The following ENPP6 variants were observed in gnomAD, a reference collection of about 807,000 sequenced individuals.
The protein encoded by ENPP6 is ectonucleotide pyrophosphatase/phosphodiesterase 6.
ENPP6 carries 32 observed loss-of-function variants against 42.0 expected under a neutral mutation model. That is an observed-to-expected ratio of 0.76 (90% CI 0.58 to 1.02). ENPP6 has a LOEUF of 1.02. ENPP6 is among the 50% of genes least tolerant of loss of function. ENPP6 has a pLI of 0.00. For synonymous variants in ENPP6, 213 were observed against 216.0 expected, an observed-to-expected ratio of 0.99 and a Z score of 0.12; for missense variants, 552 against 566.8, an observed-to-expected ratio of 0.97 and a Z score of 0.27.
At chr4:184,145,096 A>G (rs1054306089) in intron 2 of ENPP6, among the ~76,000 whole-genome samples, 4 of 152,208 alleles carry the variant, frequency 2.6e-5, no homozygotes, top group Admixed American at 2.6e-4. Flanking sequence ...GCCTTCCCGC[A>G]TTCATGCGCT....
chr4:184,129,291 TACACACACACACACAC>T (rs60982411), intron 2 of ENPP6, among the ~76,000 whole-genome samples: 4 of 145,292 alleles, frequency 2.8e-5, no homozygotes, highest in Non-Finnish European at 4.5e-5. Flanking sequence ...CCCCCCAACA[TACACACACACACACAC>T]ACACACACAC....
At chr4:184,096,055 T>C (rs1260645610) in intron 7 of ENPP6, among the ~76,000 whole-genome samples, 1 of 152,210 alleles carries the variant, frequency 6.6e-6, no homozygotes, top group Non-Finnish European at 1.5e-5. Context: ...AATTTGCTGC[T>C]ACTGCTTCTA....
At chr4:184,158,711 C>T (rs1486110622) in intron 1 of ENPP6, among the ~76,000 whole-genome samples, 1 of 152,178 alleles carries the variant, frequency 6.6e-6, no homozygotes, top group East Asian at 1.9e-4. Flanking sequence ...TTTAGATTGG[C>T]TTTCGACATC....
intron 1 of ENPP6, among the ~76,000 whole-genome samples, chr4:184,180,871 G>C (rs1160134435): frequency 6.6e-6 from 1 of 152,092 alleles, no homozygotes; most frequent in East Asian, 1.9e-4. Flanking sequence ...AGAATAATAA[G>C]AGCCATTTAT....
intron 1 of ENPP6, among the ~76,000 whole-genome samples, chr4:184,183,692 A>G (rs1213113432): frequency 6.6e-6 from 1 of 152,224 alleles, no homozygotes; most frequent in Non-Finnish European, 1.5e-5. Flanking sequence ...TATGAACTAA[A>G]GTTTTTTACC....
chr4:184,197,237 C>T (rs1180165346), intron 1 of ENPP6, among the ~76,000 whole-genome samples: 1 of 151,668 alleles, frequency 6.6e-6, no homozygotes, highest in African/African-American at 2.4e-5. Context: ...TCCACCTCCC[C>T]CTGGGCCAAA....
intron 6 of ENPP6, among the ~76,000 whole-genome samples, chr4:184,105,679 T>A (rs1300425294): frequency 6.6e-6 from 1 of 152,228 alleles, no homozygotes; most frequent in Non-Finnish European, 1.5e-5. Context: ...AAATTTTTTT[T>A]AAAATCCCCA....
chr4:184,134,129 G>GTTATTTATTTATTTAT (rs1176651876), intron 2 of ENPP6, among the ~76,000 whole-genome samples: 16 of 64,936 alleles, frequency 2.5e-4, no homozygotes, highest in African/African-American at 8.1e-4. Flanking sequence ...CATTATGGAA[G>GTTATTTATTTATTTAT]TGATTTATTT....
Position 184,089,158 on chromosome 4 carries a change from A to C in ENPP6, c.*2019T>G, listed in dbSNP as rs926040804. 6.6e-6 allele frequency: 1 copy of C among 152,228 alleles called. No individual in the cohort carries two copies. Among genetic ancestry groups the C allele is most frequent in the South Asian group, 2.1e-4 (1 of 4,828 alleles). The allele number at this position is 152,228 out of a possible 1,614,324, so 9.4% of individuals were successfully genotyped here. A position where few individuals can be genotyped will look rare whatever the true frequency, so the allele number is the denominator to read the frequency against. ...GTCATTTGTTTTCAGCTAGATAACA[A>C]AGGCTGAAGAGTTGCCTTCTTTCCA... On this transcript the variant is annotated 3_prime_UTR_variant, in exon 8 of 8. Coordinates refer to ENST00000296741, the MANE Select transcript of ENPP6 (RefSeq NM_153343.4).
Position 184,116,867 on chromosome 4 carries a change from T to G in ENPP6, c.844A>C (p.Lys282Gln), listed in dbSNP as rs1736322853. Reference protein sequence around the residue: ...PVVSLWPAPGKHSEIYNKLST... With the variant: ...PVVSLWPAPGQHSEIYNKLST... ...CGGGTCTGTCTTGCCTCAGAGTGTT[T>G]CCCAGGGGCCGGCCAAAGGCTCACA... is the stretch of plus-strand genomic sequence containing the variant. The change falls in exon 5 of 8, where the codon AAA (lysine) becomes CAA (glutamine). Residue 282 changes from lysine to glutamine, a missense_variant. This residue lies in a region of ENPP6 where 545 missense variants were observed against 546.3 expected (regional missense o/e 1.00). Coordinates refer to ENST00000296741, the MANE Select transcript of ENPP6 (RefSeq NM_153343.4). 6.2e-7 allele frequency: 1 copy of G among 1,613,526 alleles called. No individual in the cohort carries two copies. Among genetic ancestry groups the G allele is most frequent in the East Asian group, 2.2e-5 (1 of 44,890 alleles).
chr4:184,114,583 C>T (rs745696244), intron 5 of ENPP6, among the ~76,000 whole-genome samples: 2 of 152,120 alleles, frequency 1.3e-5, no homozygotes, highest in South Asian at 2.1e-4. Context: ...CGTCACATGA[C>T]AAACTGTCGC....
At chr4:184,147,003 G>A (rs1490393687) in intron 2 of ENPP6, among the ~76,000 whole-genome samples, 1 of 152,130 alleles carries the variant, frequency 6.6e-6, no homozygotes, top group East Asian at 1.9e-4. Context: ...GCGTCATTGA[G>A]TCACGTCTTT....
intron 1 of ENPP6, among the ~76,000 whole-genome samples, chr4:184,195,288 G>A (rs1225226974): frequency 6.6e-6 from 1 of 151,870 alleles, no homozygotes; most frequent in Admixed American, 6.6e-5. Context: ...CCCACCCTCC[G>A]CTGTCCGATA....
intron 1 of ENPP6, chr4:184,216,668 A>G (rs535998935): frequency 3.3e-5 from 5 of 152,320 alleles, no homozygotes; most frequent in African/African-American, 1.2e-4. Flanking sequence ...ATAGTTTGCT[A>G]AATTCTTTCT....
intron 1 of ENPP6, among the ~76,000 whole-genome samples, chr4:184,154,755 C>A (rs1473822321): frequency 4.6e-5 from 7 of 152,136 alleles, no homozygotes; most frequent in Admixed American, 2.6e-4. Context: ...GAGATCCCAG[C>A]AAAAATGGTT....
chr4:184,164,190 T>C (rs1737312153), intron 1 of ENPP6, among the ~76,000 whole-genome samples: 1 of 152,178 alleles, frequency 6.6e-6, no homozygotes, highest in Non-Finnish European at 1.5e-5. Context: ...ACTTTTTCTC[T>C]CTCTAAAATG....
At chr4:184,193,292 T>C (rs759054985) in intron 1 of ENPP6, among the ~76,000 whole-genome samples, 4 of 152,196 alleles carry the variant, frequency 2.6e-5, no homozygotes, top group Non-Finnish European at 5.9e-5. Context: ...CACAGTGCAA[T>C]AGTTGGCAAT....
intron 1 of ENPP6, among the ~76,000 whole-genome samples, chr4:184,195,248 A>AT (rs2111110696): frequency 6.6e-6 from 1 of 152,096 alleles, no homozygotes; most frequent in African/African-American, 2.4e-5. Context: ...CTAGTACCCA[A>AT]TAGTTATTTT....
chr4:184,091,580 T>A (rs550855675), intron 7 of ENPP6, among the ~76,000 whole-genome samples, 198 bp from the exon 8 acceptor site: 1 of 152,072 alleles, frequency 6.6e-6, no homozygotes, highest in Non-Finnish European at 1.5e-5. Flanking sequence ...GGAAACAGCT[T>A]TCTATGGCTC....
Sources: allele counts gnomAD v4.1 joint callset (sites outside exome capture counted in the v4.1 genomes callset), GRCh38; gene constraint gnomAD v4.1.1; regional missense constraint gnomAD v4.1.1; transcripts MANE v1.5; gene names NCBI Gene and HGNC (gene_info 2026-07-23, HGNC 2026-07-21).